BANK1: variants seen among roughly 807,000 people sequenced by gnomAD.
BANK1 encodes B cell scaffold protein with ankyrin repeats 1, also known as B-cell scaffold protein with ankyrin repeats.
BANK1 carries 95 observed loss-of-function variants against 94.5 expected under a neutral mutation model. The ratio of observed to expected loss-of-function variants is 1.00; its 90% CI spans 0.85 to 1.19. BANK1 has a LOEUF of 1.19. Among genes scored for constraint, BANK1 ranks in the 50% most tolerant of loss-of-function variants. The pLI, the probability that BANK1 is intolerant of heterozygous loss-of-function variation, is 0.00. For synonymous variants in BANK1, 334 were observed against 308.4 expected (o/e 1.08, Z -0.87); for missense variants, 987 against 932.2 (o/e 1.06, Z -0.77).
chr4:102,010,082 C>T lies in BANK1; in HGVS notation c.1207-11432C>T, dbSNP rs773998613. Reference sequence around the variant, plus strand: ...GAGATCGAGACCATCCTGGCTAACACGGTGAAACCCGTCTCTACTAAAAAT... The same window carrying T: ...GAGATCGAGACCATCCTGGCTAACATGGTGAAACCCGTCTCTACTAAAAAT... On this transcript the variant is annotated intron_variant, in intron 7 of 16. Transcript: ENST00000322953. Among the ~76,000 whole-genome samples, 82 of 148,106 alleles carry T rather than the reference C, an allele frequency of 5.5e-4. 1 individual carries two copies. The highest frequency in any genetic ancestry group is 2.1e-3 in the South Asian group (9 of 4,290).
At chr4:102,067,123 AAG>A (rs1160049557) in intron 13 of BANK1, among the ~76,000 whole-genome samples, 4 of 151,966 alleles carry the variant, frequency 2.6e-5, no homozygotes, top group Non-Finnish European at 5.9e-5. Context: ...TAAAAATAGA[AAG>A]AAATCAGTTA....
At chr4:101,881,618 ATGTT>A (rs1007689502) in intron 5 of BANK1, among the ~76,000 whole-genome samples, 1 of 152,182 alleles carries the variant, frequency 6.6e-6, no homozygotes, top group African/African-American at 2.4e-5. Flanking sequence ...CTGCACTCCC[ATGTT>A]TGTTGCAGCA....
At chr4:101,927,062 T>A (rs1366500713) in intron 7 of BANK1, among the ~76,000 whole-genome samples, 1 of 151,724 alleles carries the variant, frequency 6.6e-6, no homozygotes, top group East Asian at 1.9e-4. Context: ...ATTTGTCTGT[T>A]TACACACTGC....
intron 6 of BANK1, among the ~76,000 whole-genome samples, chr4:101,914,567 G>C (rs1722770096): frequency 6.6e-6 from 1 of 152,116 alleles, no homozygotes; most frequent in Admixed American, 6.6e-5. Context: ...ATAAGTCAAT[G>C]CTGAACCTTT....
intron 11 of BANK1, among the ~76,000 whole-genome samples, chr4:102,056,317 A>G (rs564518065): frequency 1.5e-4 from 23 of 152,320 alleles, no homozygotes; most frequent in Admixed American, 3.9e-4. Context: ...AGTGATTCAC[A>G]TAAAAGACTT....
At chr4:102,042,301 A>C (rs1356352549) in intron 10 of BANK1, among the ~76,000 whole-genome samples, 1 of 152,064 alleles carries the variant, frequency 6.6e-6, no homozygotes, top group Admixed American at 6.6e-5. Context: ...AAAAAATGTA[A>C]GTAAGCCACA....
At chr4:102,052,609 T>TAC (rs35317274) in intron 11 of BANK1, among the ~76,000 whole-genome samples, 6,597 of 151,742 alleles carry the variant, frequency 0.043, 205 homozygotes, top group South Asian at 0.11. Context: ...TAATGGGAAA[T>TAC]ACACACACAC....
At chr4:101,871,522 T>C (rs1323925736) in intron 5 of BANK1, among the ~76,000 whole-genome samples, 1 of 152,156 alleles carries the variant, frequency 6.6e-6, no homozygotes, top group Non-Finnish European at 1.5e-5. Context: ...GACACATTTT[T>C]CTATTAGGGT....
chr4:101,968,154 A>G (rs1186819590), intron 7 of BANK1, among the ~76,000 whole-genome samples: 2 of 152,078 alleles, frequency 1.3e-5, no homozygotes, highest in Non-Finnish European at 2.9e-5. Context: ...AGGGCGGGGC[A>G]TTAGTTACTC....
intron 7 of BANK1, among the ~76,000 whole-genome samples, chr4:101,987,644 A>G (rs1047196140): frequency 2.0e-5 from 3 of 152,156 alleles, no homozygotes; most frequent in African/African-American, 4.8e-5. Flanking sequence ...AATTCTGAGA[A>G]CTTTCTAAAT....
intron 7 of BANK1, among the ~76,000 whole-genome samples, chr4:102,009,425 C>T (rs1726410433): frequency 6.6e-6 from 1 of 152,196 alleles, no homozygotes. Context: ...GCCTCTACTC[C>T]TGCTTTTGAA....
At chr4:101,920,046 T>C (rs1560633379) in intron 7 of BANK1, among the ~76,000 whole-genome samples, 1 of 152,000 alleles carries the variant, frequency 6.6e-6, no homozygotes. Flanking sequence ...TGAGTGAAGG[T>C]ATGCTAGATA....
At chr4:102,018,281 C>A (rs1726781974) in intron 7 of BANK1, among the ~76,000 whole-genome samples, 1 of 152,174 alleles carries the variant, frequency 6.6e-6, no homozygotes, top group Admixed American at 6.5e-5. Context: ...CAACTTGTCA[C>A]TCTTCAAACA....
chr4:101,833,103 C>T (rs778357384), intron 2 of BANK1, among the ~76,000 whole-genome samples: 1 of 152,036 alleles, frequency 6.6e-6, no homozygotes, highest in Non-Finnish European at 1.5e-5. Flanking sequence ...CCTCAGCCTC[C>T]TGAGTAGCTG....
chr4:102,053,232 G>C (rs1728114092), intron 11 of BANK1, among the ~76,000 whole-genome samples: 1 of 152,148 alleles, frequency 6.6e-6, no homozygotes, highest in Admixed American at 6.6e-5. Flanking sequence ...CTAATCTTTG[G>C]AGAAGTGGGA....
intron 7 of BANK1, among the ~76,000 whole-genome samples, chr4:101,961,276 G>A (rs1217362254): frequency 6.6e-6 from 1 of 152,208 alleles, no homozygotes; most frequent in Non-Finnish European, 1.5e-5. Flanking sequence ...AATGGTGACA[G>A]TGACATCATT....
intron 2 of BANK1, among the ~76,000 whole-genome samples, chr4:101,830,858 C>T (rs1726589339): frequency 6.6e-6 from 1 of 152,064 alleles, no homozygotes; most frequent in Non-Finnish European, 1.5e-5. Context: ...GGTTTCATGG[C>T]TTAAAGGGAA....
At chr4:102,013,262 C>A (rs1726571189) in intron 7 of BANK1, among the ~76,000 whole-genome samples, 1 of 152,044 alleles carries the variant, frequency 6.6e-6, no homozygotes, top group African/African-American at 2.4e-5. Context: ...TGTATCTCAT[C>A]CATAGCCAAC....
intron 7 of BANK1, among the ~76,000 whole-genome samples, chr4:102,016,531 C>A (rs1247763410): frequency 6.6e-6 from 1 of 152,152 alleles, no homozygotes; most frequent in Non-Finnish European, 1.5e-5. Flanking sequence ...GCATTGGATT[C>A]ATCACCCTCG....
Sources: allele counts gnomAD v4.1 joint callset (sites outside exome capture counted in the v4.1 genomes callset), GRCh38; gene constraint gnomAD v4.1.1; transcripts MANE v1.5; gene names NCBI Gene and HGNC (gene_info 2026-07-23, HGNC 2026-07-21).